PTGES2: variants seen among roughly 807,000 people sequenced by gnomAD.
PTGES2 encodes GATE-binding factor 1.
Under a neutral mutation model 44.5 loss-of-function variants are expected in PTGES2, and 35 were observed. That is an observed-to-expected ratio of 0.79 (90% confidence interval 0.60 to 1.04). The LOEUF (loss-of-function observed/expected upper bound fraction) is 1.04, where lower values mean the gene tolerates loss of function less well. PTGES2 is among the 50% of genes least tolerant of loss of function. PTGES2 has a pLI of 0.00. For synonymous variants in PTGES2, 221 were observed against 227.5 expected, an observed-to-expected ratio of 0.97 and a Z score of 0.26; for missense variants, 517 against 521.4, an observed-to-expected ratio of 0.99 and a Z score of 0.08.
At chr9:128,122,599 C>T (rs1040100557) in intron 5 of PTGES2, 120 bp from the exon 6 acceptor site, 5 of 810,258 alleles carry the variant, frequency 6.2e-6, no homozygotes, top group Admixed American at 4.2e-5. Flanking sequence ...CAGGTGAGAG[C>T]ATCACATCTG....
chr9:128,128,323 C>G, upstream of PTGES2: 1 of 456,312 alleles, frequency 2.2e-6, no homozygotes, highest in Non-Finnish European at 4.4e-6. Flanking sequence ...CCGAGATTTC[C>G]AGGGAGAGGA....
At position 128,122,368 on chromosome 9, in the gene PTGES2, A is replaced by G. The variant is rs759930552; in HGVS notation, c.999T>C (p.Ala333=). 4 of 1,613,460 alleles carry G rather than the reference A, an allele frequency of 2.5e-6. No individual in the cohort carries two copies. Among genetic ancestry groups the G allele is most frequent in the Admixed American group, 3.3e-5 (2 of 60,000 alleles). The part of the protein sequence containing the change: ...PFMGGQKPNL[A]DLAVYGVLRV... ...CTGCCACCACCACACTCACCAAATC[A>G]GCGAGATTCGGCTTCTGGCCCCCCA... Residue 333 remains alanine (A), a synonymous_variant, in exon 6 of 7, where the codon GCT becomes GCC. Transcript: ENST00000338961.
chr9:128,128,121 C>G (rs1009883437), upstream of PTGES2: 3 of 366,960 alleles, frequency 8.2e-6, no homozygotes, highest in African/African-American at 6.5e-5. Flanking sequence ...AGTACAGGCG[C>G]CGCGACTTCC....
At position 128,123,405 on chromosome 9, in the gene PTGES2, CCTAG is replaced by C. The variant is rs760813778; in HGVS notation, c.687-275_687-272del. 1.3e-5 allele frequency among the ~76,000 whole-genome samples: 2 copies of C among 152,146 alleles called. No homozygotes were observed. The highest frequency in any genetic ancestry group is 2.9e-5 in the Non-Finnish European group (2 of 68,020). ...GGGATTATAGGTGTGTGCCTCCACA[CCTAG>C]CTAATTTTTGCATTTTTATAGAGAT... On this transcript the variant is annotated intron_variant, in intron 4 of 6. Transcript: ENST00000338961. The surrounding 1 kb of genome is among the most constrained non-coding windows in gnomAD (Gnocchi z 4.4).
chr9:128,128,184 T>C (rs1039402557), upstream of PTGES2: 4 of 264,610 alleles, frequency 1.5e-5, no homozygotes, highest in Non-Finnish European at 3.0e-5. Flanking sequence ...GTTGCGGTTC[T>C]CTCTGCCCTC....
chr9:128,127,825 G>C, upstream of PTGES2: 1 of 1,098,834 alleles, frequency 9.1e-7, no homozygotes, highest in Admixed American at 4.4e-5. Context: ...CCGGGGTGAG[G>C]GCGACGCTAA....
upstream of PTGES2, chr9:128,128,418 G>A (rs536134946): frequency 2.1e-3 from 952 of 451,106 alleles, 8 homozygotes; most frequent in African/African-American, 0.017. Flanking sequence ...CCGCATAGGC[G>A]TCTCCGCGGA....
At chr9:128,125,910 T>C (rs1416648272) in intron 1 of PTGES2, among the ~76,000 whole-genome samples, 1 of 152,196 alleles carries the variant, frequency 6.6e-6, no homozygotes, top group Non-Finnish European at 1.5e-5. Context: ...AATCTCTTTC[T>C]TGTTTTTTTC....
In PTGES2 at chr9:128,121,074, C is replaced by T. The variant is rs1834389779; in HGVS notation, c.*71G>A. On this transcript the variant is annotated 3_prime_UTR_variant, in exon 7 of 7. Transcript: ENST00000338961. ...TGCCCCCAACCAGTATCGCCAGGCG[C>T]TGGCCCAGTGGCCCCAGGCCCTGGC... 5 of 1,539,736 alleles carry T rather than the reference C, an allele frequency of 3.2e-6. No homozygotes were observed. The East Asian group carries it at 9.8e-5, about 30-fold the overall frequency.
At position 128,121,061 on chromosome 9, in the gene PTGES2, G is replaced by A; in HGVS notation, c.*84C>T. 6.6e-7 allele frequency: 1 copy of A among 1,511,902 alleles called. No homozygotes were observed. The highest frequency in any genetic ancestry group is 1.2e-5 in the South Asian group (1 of 82,718). The allele number at this position is 1,511,902 out of a possible 1,614,324, so 93.7% of individuals were successfully genotyped here. On this transcript the variant is annotated 3_prime_UTR_variant, in exon 7 of 7. Coordinates refer to ENST00000338961, the MANE Select transcript of PTGES2 (RefSeq NM_025072.7). Reference sequence around the variant, plus strand: ...GGCAGAATGATCCTGCCCCCAACCAGTATCGCCAGGCGCTGGCCCAGTGGC... The same window carrying A: ...GGCAGAATGATCCTGCCCCCAACCAATATCGCCAGGCGCTGGCCCAGTGGC...
rs58347614 is a variant in PTGES2, at chr9:128,123,928, C to A, written c.537-77G>T. 6.5e-7 allele frequency: 1 copy of A among 1,541,728 alleles called. No homozygotes were observed. Among genetic ancestry groups the A allele is most frequent in the Non-Finnish European group, 8.9e-7 (1 of 1,127,424 alleles). The stretch of plus-strand genomic sequence containing the variant: ...TGGCCGACCAACCCCGCTGCCCCAG[C>A]CTCAGAGTGGAGCCAGGACCAACAA... On this transcript the variant is annotated intron_variant, in intron 3 of 6. Coordinates refer to ENST00000338961, the MANE Select transcript of PTGES2 (RefSeq NM_025072.7). This position sits in a 1 kb window ranked among gnomAD's most constrained non-coding sequence, Gnocchi z 4.4.
At chr9:128,127,735 CGCGG>C, upstream of PTGES2, 1 of 1,252,286 alleles carries the variant, frequency 8.0e-7, no homozygotes, top group Non-Finnish European at 1.0e-6. Flanking sequence ...CCGCCGGCGC[CGCGG>C]GCGGGCGCGC....
intron 1 of PTGES2, 130 bp downstream of exon 1, chr9:128,127,309 G>A: frequency 1.3e-6 from 1 of 750,654 alleles, no homozygotes; most frequent in Non-Finnish European, 1.8e-6. Flanking sequence ...CAGAGGGTTC[G>A]GAGACTTCAG....
rs1834549705 is a variant in PTGES2, at chr9:128,124,622, A to T, written c.478-72T>A. The T allele has an allele frequency of 3.3e-5, 50 of 1,503,046 alleles. No individual in the cohort carries two copies. In the South Asian group the frequency reaches 5.3e-4, roughly 16 times the overall value. 93.1% of individuals were successfully genotyped at this position (1,503,046 alleles called of 1,614,324 possible). A position where few individuals can be genotyped will look rare whatever the true frequency, so the allele number is the denominator to read the frequency against. On this transcript the variant is annotated intron_variant, in intron 2 of 6. Coordinates refer to ENST00000338961, the MANE Select transcript of PTGES2 (RefSeq NM_025072.7). ...TGGGAGTCACCAGGGGCTCTTTAAC[A>T]AGACACTCTGGGCATTGTTTATCCA... is the stretch of plus-strand genomic sequence containing the variant.
Position 128,127,514 on chromosome 9 carries a change from T to TC in PTGES2, c.203dup (p.Ala69SerfsTer71). ...GCGCCGTGTGGTACAGCCCCAGGGC[T>TC]CCCCCCAGGGCCAGCGCCGCAGCTC... On this transcript the variant is annotated frameshift_variant, in exon 1 of 7. Transcript: ENST00000338961. LOFTEE classifies it high-confidence loss of function. 7 of 1,334,124 alleles carry TC rather than the reference T, an allele frequency of 5.2e-6. No individual in the cohort carries two copies. Among genetic ancestry groups the TC allele is most frequent in the South Asian group, 2.0e-5 (1 of 48,854 alleles). 82.6% of individuals were successfully genotyped at this position (1,334,124 alleles called of 1,614,324 possible).
intron 6 of PTGES2, among the ~76,000 whole-genome samples, chr9:128,121,926 A>AAAC (rs1290936162): frequency 1.3e-5 from 2 of 151,884 alleles, no homozygotes; most frequent in Admixed American, 6.6e-5. Context: ...AAAAAAACAA[A>AAAC]AACAACAACA....
At chr9:128,121,320 T>A in intron 6 of PTGES2, 47 bp from the exon 7 acceptor site, 2 of 1,581,830 alleles carry the variant, frequency 1.3e-6, no homozygotes, top group Non-Finnish European at 1.7e-6. Context: ...TTGACAGGCA[T>A]CCAGACCTCC....
rs1470284954 is a variant in PTGES2 at position 128,123,528 on chromosome 9, G to A, written c.686+174C>T. 2.0e-5 allele frequency among the ~76,000 whole-genome samples: 3 copies of A among 152,282 alleles called. No homozygotes were observed. Among genetic ancestry groups the A allele is most frequent in the Non-Finnish European group, 2.9e-5 (2 of 68,014 alleles). On this transcript the variant is annotated intron_variant, in intron 4 of 6. Transcript: ENST00000338961. The surrounding 1 kb of genome is among the most constrained non-coding windows in gnomAD (Gnocchi z 4.4). ...CCCAACAGGCTGGGATTACAGGAGTGAGCCACCACGCCCGGCTGCAGGAAG... is the reference window on the plus strand; with the variant it reads ...CCCAACAGGCTGGGATTACAGGAGTAAGCCACCACGCCCGGCTGCAGGAAG...
At chr9:128,128,055 T>G, upstream of PTGES2, 1 of 378,478 alleles carries the variant, frequency 2.6e-6, no homozygotes, top group Non-Finnish European at 4.9e-6. Context: ...TAACACGTAC[T>G]TGCCCACCTC....
Sources: gnomAD v4.1 joint callset for allele counts (sites outside exome capture counted in the v4.1 genomes callset) on GRCh38, gnomAD v4.1.1 for gene constraint, Gnocchi (gnomAD v3.1) non-coding constraint, MANE v1.5 for transcripts, NCBI Gene and HGNC (gene_info 2026-07-23, HGNC 2026-07-21) for gene names.